The following CDH13 variants were observed in gnomAD, a reference collection of about 807,000 sequenced individuals.
The protein encoded by CDH13 is cadherin 13, also known as cadherin-13.
In CDH13, 24 loss-of-function variants were observed where a neutral mutation model predicts 63.8. The ratio of observed to expected loss-of-function variants is 0.38; its 90% CI spans 0.27 to 0.53. The LOEUF (loss-of-function observed/expected upper bound fraction) is 0.53. Among genes scored for constraint, CDH13 ranks in the 20% least tolerant of loss-of-function variants. The pLI is 0.85. For synonymous variants in CDH13, 503 were observed against 355.3 expected (o/e 1.42, Z -4.67); for missense variants, 1,049 against 903.1 (o/e 1.16, Z -2.07).
intron 3 of CDH13, among the ~76,000 whole-genome samples, chr16:83,064,186 T>A (rs545055468): frequency 2.0e-5 from 3 of 152,238 alleles, no homozygotes; most frequent in African/African-American, 7.2e-5. Context: ...CTGGCCCACA[T>A]GATGAAACCC....
intron 11 of CDH13, among the ~76,000 whole-genome samples, chr16:83,771,762 T>C (rs566459654): frequency 6.6e-6 from 1 of 152,340 alleles, no homozygotes; most frequent in South Asian, 2.1e-4. Context: ...AAAACTGTCA[T>C]TCCTACTAAG....
rs572575434 is a variant in CDH13, at chr16:83,011,554, C to G, written c.158-20456C>G. ...CTTGAAAGGCTGTCTCTTTCCCCAT[C>G]TGAGTCAACCGGGCGGTAAAACGTG... On this transcript the variant is annotated intron_variant, in intron 2 of 13. Transcript: ENST00000567109. 5.9e-5 allele frequency among the ~76,000 whole-genome samples: 9 copies of G among 152,268 alleles called. No individual in the cohort carries two copies. In the South Asian group the frequency reaches 6.2e-4, roughly 11 times the overall value.
At chr16:82,955,203 G>A (rs1905889884) in intron 2 of CDH13, among the ~76,000 whole-genome samples, 1 of 152,140 alleles carries the variant, frequency 6.6e-6, no homozygotes, top group Admixed American at 6.5e-5. Context: ...CTTTTTCCAA[G>A]CAGTCTTAGA....
At chr16:82,954,576 G>A (rs1416845650) in intron 2 of CDH13, 1 of 152,064 alleles carries the variant, frequency 6.6e-6, no homozygotes, top group Non-Finnish European at 1.5e-5. Context: ...GTCCAATAAT[G>A]TACCAAATGA....
At chr16:82,809,309 C>T (rs941919553) in intron 1 of CDH13, among the ~76,000 whole-genome samples, 23 of 14,198 alleles carry the variant, frequency 1.6e-3, no homozygotes, top group Non-Finnish European at 2.6e-3. Context: ...AAGTTATTTA[C>T]GTCCAAAAAA....
chr16:83,741,340 A>C (rs1223081545), intron 10 of CDH13, among the ~76,000 whole-genome samples: 2 of 150,910 alleles, frequency 1.3e-5, no homozygotes, highest in African/African-American at 2.4e-5. Context: ...GAATTCCCCT[A>C]CTGTTTCCCT....
At chr16:83,666,114 T>C (rs1292494845) in intron 8 of CDH13, among the ~76,000 whole-genome samples, 1 of 152,240 alleles carries the variant, frequency 6.6e-6, no homozygotes, top group Admixed American at 6.5e-5. Context: ...TTTTTTCCAA[T>C]TAAAGGTAGT....
At chr16:83,212,536 G>A (rs570753667) in intron 4 of CDH13, among the ~76,000 whole-genome samples, 4 of 152,264 alleles carry the variant, frequency 2.6e-5, no homozygotes, top group African/African-American at 9.6e-5. Flanking sequence ...GCTTTCTGAG[G>A]TCTTAGAAAC....
intron 10 of CDH13, among the ~76,000 whole-genome samples, chr16:83,738,415 A>G (rs1037543675): frequency 6.6e-6 from 1 of 152,186 alleles, no homozygotes; most frequent in Non-Finnish European, 1.5e-5. Context: ...CTGGAAGTGG[A>G]TTAGGGTGAT....
At chr16:83,455,161 C>G (rs968652344) in intron 6 of CDH13, among the ~76,000 whole-genome samples, 1 of 152,146 alleles carries the variant, frequency 6.6e-6, no homozygotes, top group Non-Finnish European at 1.5e-5. Flanking sequence ...AGGTTATAGA[C>G]CTGAGACATG....
rs552242471 is a variant in CDH13, at chr16:83,108,124, C to G, written c.367-17261C>G. Among the ~76,000 whole-genome samples, 4 of 152,156 alleles carry G rather than the reference C, an allele frequency of 2.6e-5. No homozygotes were observed. In the South Asian group the frequency reaches 8.3e-4, roughly 32 times the overall value. ...ACATGAGCCACCGCGCCCAGCCCCTCTTTTTCTTTTTATCTCTTTCTCTTC... is the reference window on the plus strand; with the variant it reads ...ACATGAGCCACCGCGCCCAGCCCCTGTTTTTCTTTTTATCTCTTTCTCTTC... On this transcript the variant is annotated intron_variant, in intron 3 of 13. Transcript: ENST00000567109.
intron 1 of CDH13, among the ~76,000 whole-genome samples, chr16:82,814,862 A>T (rs144380645): frequency 9.9e-5 from 15 of 152,180 alleles, no homozygotes; most frequent in Non-Finnish European, 1.2e-4. Flanking sequence ...ATGTGGCTTT[A>T]TCTCCAGGTA....
chr16:82,918,785 T>G (rs918111556), intron 2 of CDH13, among the ~76,000 whole-genome samples: 1 of 152,138 alleles, frequency 6.6e-6, no homozygotes, highest in African/African-American at 2.4e-5. Context: ...ATGCTGCTAT[T>G]ATGGGTGTGA....
At chr16:83,018,166 C>G (rs1401680897) in intron 2 of CDH13, among the ~76,000 whole-genome samples, 1 of 152,138 alleles carries the variant, frequency 6.6e-6, no homozygotes, top group Non-Finnish European at 1.5e-5. Context: ...CTCAGTCTCT[C>G]CCAGCTTATC....
chr16:83,344,346 G>A (rs1018016361), intron 5 of CDH13, among the ~76,000 whole-genome samples: 8 of 152,162 alleles, frequency 5.3e-5, no homozygotes, highest in African/African-American at 1.4e-4. Context: ...CAGGAATCCC[G>A]AGGTCTCATT....
intron 7 of CDH13, among the ~76,000 whole-genome samples, chr16:83,550,251 C>T (rs1342263274): frequency 6.6e-6 from 1 of 152,202 alleles, no homozygotes; most frequent in Non-Finnish European, 1.5e-5. Context: ...GGTCAGCTGG[C>T]CAGCAGGAGT....
chr16:83,060,934 C>T (rs1476382949), intron 3 of CDH13, among the ~76,000 whole-genome samples: 1 of 152,136 alleles, frequency 6.6e-6, no homozygotes, highest in African/African-American at 2.4e-5. Context: ...GAAAGCATGC[C>T]TCTGTCAACC....
chr16:82,753,661 T>A (rs1392578649), intron 1 of CDH13, among the ~76,000 whole-genome samples: 4 of 152,218 alleles, frequency 2.6e-5, no homozygotes, highest in African/African-American at 7.2e-5. Flanking sequence ...AAATTGTAGG[T>A]CTTAATGAGC....
chr16:83,443,018 G>C (rs908380648), intron 6 of CDH13, among the ~76,000 whole-genome samples: 1 of 152,166 alleles, frequency 6.6e-6, no homozygotes, highest in Non-Finnish European at 1.5e-5. Flanking sequence ...TTAAAATAAA[G>C]CCCACCAAAA....
Sources: gnomAD v4.1 joint callset for allele counts (sites outside exome capture counted in the v4.1 genomes callset) on GRCh38, gnomAD v4.1.1 for gene constraint, MANE v1.5 for transcripts, NCBI Gene and HGNC (gene_info 2026-07-23, HGNC 2026-07-21) for gene names.